KIF16B: variants seen among roughly 807,000 people sequenced by gnomAD.
KIF16B encodes kinesin family member 16B, also known as kinesin-like protein KIF16B.
In KIF16B, 98 loss-of-function variants were observed where a neutral mutation model predicts 156.3. The observed-to-expected ratio is 0.63, with a 90% CI of 0.53 to 0.74. The LOEUF (loss-of-function observed/expected upper bound fraction) is 0.74. KIF16B is among the 30% of genes least tolerant of loss of function. KIF16B has a pLI of 0.00. For missense variants in KIF16B, 1,421 were observed against 1,606.5 expected (o/e 0.88, Z 1.97); for synonymous variants, 564 against 583.7 (o/e 0.97, Z 0.49).
chr20:16,383,850 G>A (rs1036937598), intron 17 of KIF16B, among the ~76,000 whole-genome samples: 10 of 152,166 alleles, frequency 6.6e-5, no homozygotes, highest in Admixed American at 2.6e-4. Flanking sequence ...ACAGTGTCAC[G>A]TGTGCACAGC....
At chr20:16,359,385 A>G (rs779792649) in intron 22 of KIF16B, among the ~76,000 whole-genome samples, 1 of 152,158 alleles carries the variant, frequency 6.6e-6, no homozygotes, top group Non-Finnish European at 1.5e-5. Flanking sequence ...TGTGTGAGAT[A>G]CCTGCTTCCC....
intron 25 of KIF16B, among the ~76,000 whole-genome samples, chr20:16,275,946 T>C (rs553132959): frequency 9.2e-5 from 14 of 152,240 alleles, no homozygotes; most frequent in Admixed American, 2.6e-4. Flanking sequence ...AGATCAAGGG[T>C]GAGATGATTT....
At chr20:16,285,786 C>A (rs1368382096) in intron 25 of KIF16B, among the ~76,000 whole-genome samples, 4 of 152,150 alleles carry the variant, frequency 2.6e-5, no homozygotes, top group African/African-American at 9.7e-5. Context: ...CCACTGCACT[C>A]CAGTCTGGGT....
intron 3 of KIF16B, among the ~76,000 whole-genome samples, chr20:16,519,144 T>C (rs914315646): frequency 6.6e-6 from 1 of 152,204 alleles, no homozygotes; most frequent in South Asian, 2.1e-4. Context: ...ATAGCACATA[T>C]GAACACCAAG....
chr20:16,564,951 C>T lies in KIF16B; in HGVS notation c.47+8278G>A, dbSNP rs915806358. Among the ~76,000 whole-genome samples, 5 of 152,162 alleles carry T rather than the reference C, an allele frequency of 3.3e-5. No homozygotes were observed. In the East Asian group the frequency reaches 7.7e-4, roughly 23 times the overall value. Reference sequence around the variant, plus strand: ...GAGCCCCCTGGTCAGGCGTGACATTCTACTCTCCTGCCTTCCTCCCTTCCT... The same window carrying T: ...GAGCCCCCTGGTCAGGCGTGACATTTTACTCTCCTGCCTTCCTCCCTTCCT... On this transcript the variant is annotated intron_variant, in intron 1 of 25. Transcript: ENST00000354981.
intron 1 of KIF16B, among the ~76,000 whole-genome samples, chr20:16,544,661 T>C (rs1478940426): frequency 7.1e-6 from 1 of 141,788 alleles, no homozygotes; most frequent in African/African-American, 2.6e-5. Context: ...TTCTCAGACC[T>C]CTCCTAGCCA....
Position 16,526,103 on chromosome 20 carries a change from A to G in KIF16B, c.220T>C (p.Ser74Pro). 6.3e-7 allele frequency: 1 copy of G among 1,577,934 alleles called. No homozygotes were observed. The highest frequency in any genetic ancestry group is 8.7e-7 in the Non-Finnish European group (1 of 1,154,624). Residue 74 changes from serine (S) to proline (P), a missense_variant, in exon 3 of 26, where the codon TCA becomes CCA. Ser to Pro is a moderately conservative substitution (Grantham distance 74, BLOSUM62 -1). Coordinates refer to ENST00000354981, the MANE Select transcript of KIF16B (RefSeq NM_024704.5). ...AAAATATCATATACCATTTCTTGTG[A>G]AACGTAATCTGGGCTTTTTGTATCA... is the stretch of plus-strand genomic sequence containing the variant. ...SADTKSPDYV[S>P]QEMVFKTLGT... is the part of the protein sequence containing the mutation.
chr20:16,428,451 T>A (rs1343559371), intron 14 of KIF16B, among the ~76,000 whole-genome samples: 1 of 152,140 alleles, frequency 6.6e-6, no homozygotes, highest in East Asian at 1.9e-4. Context: ...AGTCACTGAT[T>A]ATTTGCGTGT....
At chr20:16,448,631 A>T (rs762096405) in intron 12 of KIF16B, among the ~76,000 whole-genome samples, 10 of 152,184 alleles carry the variant, frequency 6.6e-5, no homozygotes, top group Non-Finnish European at 1.0e-4. Flanking sequence ...ACCAACAAAC[A>T]TCAACCAACA....
At chr20:16,471,192 A>G (rs1198297187) in intron 12 of KIF16B, among the ~76,000 whole-genome samples, 1 of 152,180 alleles carries the variant, frequency 6.6e-6, no homozygotes, top group Non-Finnish European at 1.5e-5. Context: ...AAAATTTAAA[A>G]AATTGACCCA....
chr20:16,331,517 A>C (rs376339028), intron 24 of KIF16B, among the ~76,000 whole-genome samples: 5 of 152,366 alleles, frequency 3.3e-5, no homozygotes, highest in Admixed American at 1.3e-4. Context: ...TCTTAGCTTG[A>C]TTAAAATTTT....
At chr20:16,499,880 AT>A (rs890947930) in intron 10 of KIF16B, among the ~76,000 whole-genome samples, 46 of 152,338 alleles carry the variant, frequency 3.0e-4, no homozygotes, top group Admixed American at 1.4e-3. Flanking sequence ...TTAAATTACT[AT>A]TTGCAAGGTG....
intron 24 of KIF16B, among the ~76,000 whole-genome samples, chr20:16,317,450 A>C (rs1196244028): frequency 6.7e-6 from 1 of 148,354 alleles, no homozygotes; most frequent in Admixed American, 6.7e-5. Flanking sequence ...GAAGAAAAAG[A>C]ATTTCTTTCT....
chr20:16,387,691 T>G (rs4814482), intron 17 of KIF16B, among the ~76,000 whole-genome samples: 102,870 of 152,044 alleles, frequency 0.68, 35,521 homozygotes, highest in East Asian at 0.99. Context: ...GTACGGACAG[T>G]CAAAGAGTGC....
intron 1 of KIF16B, among the ~76,000 whole-genome samples, chr20:16,568,838 A>AGGCGT: frequency 6.7e-6 from 1 of 148,932 alleles, no homozygotes; most frequent in Non-Finnish European, 1.5e-5. Context: ...AAAAAAAAAA[A>AGGCGT]AAAAAAAAAA....
At chr20:16,467,465 G>C (rs983633042) in intron 12 of KIF16B, among the ~76,000 whole-genome samples, 1 of 152,126 alleles carries the variant, frequency 6.6e-6, no homozygotes, top group Non-Finnish European at 1.5e-5. Flanking sequence ...AATTATGTCA[G>C]GAAGGTTGGA....
At chr20:16,420,027 G>T (rs1012904) in intron 15 of KIF16B, among the ~76,000 whole-genome samples, 1 of 151,850 alleles carries the variant, frequency 6.6e-6, no homozygotes, top group Admixed American at 6.6e-5. Context: ...GAATCACAGT[G>T]TGGAATGAGG....
At chr20:16,516,906 TGAG>T (rs1367545162) in intron 3 of KIF16B, among the ~76,000 whole-genome samples, 1 of 152,220 alleles carries the variant, frequency 6.6e-6, no homozygotes, top group Non-Finnish European at 1.5e-5. Flanking sequence ...TGGCAACATT[TGAG>T]GAGTAACCTA....
intron 1 of KIF16B, among the ~76,000 whole-genome samples, chr20:16,545,897 C>T (rs577546119): frequency 7.8e-4 from 114 of 146,754 alleles, no homozygotes; most frequent in African/African-American, 2.6e-3. Context: ...TTCTCAGTGG[C>T]AGCTTACAAA....
Sources: allele counts gnomAD v4.1 joint callset (sites outside exome capture counted in the v4.1 genomes callset), GRCh38; gene constraint gnomAD v4.1.1; transcripts MANE v1.5; gene names NCBI Gene and HGNC (gene_info 2026-07-23, HGNC 2026-07-21).